AKAP13: variants seen among roughly 807,000 people sequenced by gnomAD.
The protein encoded by AKAP13 is A-kinase anchoring protein 13, also known as A-kinase anchor protein 13.
In AKAP13, 80 loss-of-function variants were observed where a neutral mutation model predicts 264.5. The observed-to-expected ratio is 0.30, with a 90% CI of 0.25 to 0.36. The LOEUF is 0.36. Among genes scored for constraint, AKAP13 ranks in the 10% least tolerant of loss-of-function variants. AKAP13 has a pLI of 1.00. For synonymous variants in AKAP13, 1,380 were observed against 1,250.2 expected, an observed-to-expected ratio of 1.10 and a Z score of -2.19; for missense variants, 3,712 against 3,435.2, an observed-to-expected ratio of 1.08 and a Z score of -2.01.
At chr15:85,386,851 C>CT (rs543666906) in intron 1 of AKAP13, among the ~76,000 whole-genome samples, 78 of 151,736 alleles carry the variant, frequency 5.1e-4, no homozygotes, top group African/African-American at 1.7e-3. Flanking sequence ...TTTCATTTCT[C>CT]TATCACCTCA....
chr15:85,595,823 TAAAA>T (rs1252583885), intron 8 of AKAP13, among the ~76,000 whole-genome samples: 1 of 152,136 alleles, frequency 6.6e-6, no homozygotes, highest in Non-Finnish European at 1.5e-5. Flanking sequence ...TAATCCAGGT[TAAAA>T]AAAGAAATTT....
At chr15:85,450,330 A>AAT (rs2074041381) in intron 1 of AKAP13, among the ~76,000 whole-genome samples, 1 of 151,890 alleles carries the variant, frequency 6.6e-6, no homozygotes, top group Non-Finnish European at 1.5e-5. Flanking sequence ...TAGTTTAGCG[A>AAT]TCTTTTGAAT....
intron 14 of AKAP13, among the ~76,000 whole-genome samples, chr15:85,681,804 G>A (rs950302662): frequency 6.6e-6 from 1 of 151,950 alleles, no homozygotes; most frequent in African/African-American, 2.4e-5. Flanking sequence ...TTCTTCCTAT[G>A]ATGTCATCTC....
At chr15:85,588,186 C>G in intron 8 of AKAP13, among the ~76,000 whole-genome samples, 1 of 152,092 alleles carries the variant, frequency 6.6e-6, no homozygotes, top group East Asian at 1.9e-4. Flanking sequence ...AACAGACTAT[C>G]CCAGATTGTT....
intron 8 of AKAP13, among the ~76,000 whole-genome samples, chr15:85,590,918 C>CA (rs1219793631): frequency 6.6e-6 from 1 of 152,198 alleles, no homozygotes; most frequent in Non-Finnish European, 1.5e-5. Flanking sequence ...TTAGTAACTT[C>CA]AGATTACAAT....
intron 12 of AKAP13, 58 bp from the exon 13 acceptor site, chr15:85,664,502 GTCC>G: frequency 6.7e-7 from 1 of 1,498,664 alleles, no homozygotes; most frequent in Non-Finnish European, 9.0e-7. Flanking sequence ...GGGATTTTGT[GTCC>G]TCCTTTGTTT....
intron 26 of AKAP13, 59 bp from the exon 27 acceptor site, chr15:85,726,351 G>A: frequency 7.0e-7 from 1 of 1,427,674 alleles, no homozygotes; most frequent in Non-Finnish European, 9.8e-7. Context: ...CCTTCTGACT[G>A]TGGGTAACTA....
intron 9 of AKAP13, among the ~76,000 whole-genome samples, chr15:85,639,997 A>T (rs1420344434): frequency 1.3e-5 from 2 of 152,216 alleles, no homozygotes; most frequent in African/African-American, 4.8e-5. Flanking sequence ...CCTTTGAGTT[A>T]TTCCTAACAA....
At chr15:85,483,632 C>CAAAAAAAAAAAA (rs35648447) in intron 1 of AKAP13, among the ~76,000 whole-genome samples, 22 of 57,966 alleles carry the variant, frequency 3.8e-4, no homozygotes, top group Non-Finnish European at 6.5e-4. Context: ...GACTCCGTCT[C>CAAAAAAAAAAAA]AAAAAAAAAA....
intron 14 of AKAP13, among the ~76,000 whole-genome samples, chr15:85,675,168 C>A (rs1461884761): frequency 1.3e-5 from 2 of 152,176 alleles, no homozygotes; most frequent in African/African-American, 4.8e-5. Context: ...TTTTGTGACA[C>A]ATGAAGGAGA....
intron 1 of AKAP13, among the ~76,000 whole-genome samples, chr15:85,460,949 GT>G (rs35141349): frequency 6.7e-5 from 10 of 148,588 alleles, no homozygotes; most frequent in African/African-American, 1.5e-4. Flanking sequence ...GGGGAACAGA[GT>G]TTTTTTTTTT....
intron 5 of AKAP13, among the ~76,000 whole-genome samples, chr15:85,550,624 C>T (rs1294985270): frequency 6.6e-6 from 1 of 152,194 alleles, no homozygotes; most frequent in African/African-American, 2.4e-5. Flanking sequence ...ACAAGTGGGT[C>T]CTCAGTAGCC....
chr15:85,665,480 T>C (rs1370859972), intron 13 of AKAP13, among the ~76,000 whole-genome samples: 1 of 152,226 alleles, frequency 6.6e-6, no homozygotes, highest in Admixed American at 6.5e-5. Flanking sequence ...TTCCAGGAAA[T>C]GTCAGTTGAT....
intron 8 of AKAP13, among the ~76,000 whole-genome samples, chr15:85,614,237 C>G (rs1459811406): frequency 6.6e-6 from 1 of 152,076 alleles, no homozygotes; most frequent in African/African-American, 2.4e-5. Context: ...GAAAGAGAAG[C>G]CTGAAGAGGG....
intron 8 of AKAP13, among the ~76,000 whole-genome samples, chr15:85,609,695 C>G (rs1415634377): frequency 6.6e-6 from 1 of 152,122 alleles, no homozygotes; most frequent in African/African-American, 2.4e-5. Flanking sequence ...AATGCTTTTC[C>G]TACCTGATGT....
intron 1 of AKAP13, among the ~76,000 whole-genome samples, chr15:85,451,174 A>T (rs913097924): frequency 6.6e-6 from 1 of 151,720 alleles, no homozygotes; most frequent in African/African-American, 2.4e-5. Context: ...TAGGATTGCA[A>T]CCTTTTTTGT....
At chr15:85,399,527 A>AAAAAAAAAAAAAAAAT (rs1567038675) in intron 1 of AKAP13, among the ~76,000 whole-genome samples, 1 of 114,738 alleles carries the variant, frequency 8.7e-6, no homozygotes, top group African/African-American at 3.6e-5. Flanking sequence ...AAAAAATAAA[A>AAAAAAAAAAAAAAAAT]AAATAAAAAA....
At chr15:85,681,849 G>C (rs751872477) in intron 14 of AKAP13, among the ~76,000 whole-genome samples, 4 of 152,058 alleles carry the variant, frequency 2.6e-5, no homozygotes, top group Non-Finnish European at 5.9e-5. Context: ...AGATTGATAA[G>C]AACTGGAATT....
chr15:85,412,041 C>T (rs2071996943), intron 1 of AKAP13, among the ~76,000 whole-genome samples: 1 of 152,162 alleles, frequency 6.6e-6, no homozygotes, highest in Admixed American at 6.5e-5. Flanking sequence ...TGAAATGTAT[C>T]TACATTTGGA....
Sources: allele counts gnomAD v4.1 joint callset (sites outside exome capture counted in the v4.1 genomes callset), GRCh38; gene constraint gnomAD v4.1.1; transcripts MANE v1.5; gene names NCBI Gene and HGNC (gene_info 2026-07-23, HGNC 2026-07-21).